Variants in LBR observed in about 807,000 individuals in gnomAD.
LBR encodes delta(14)-sterol reductase LBR.
In LBR, 28 loss-of-function variants were observed where a neutral mutation model predicts 74.3. That is an observed-to-expected ratio of 0.38 (90% CI 0.28 to 0.52). The LOEUF (loss-of-function observed/expected upper bound fraction) is 0.52, where lower values mean the gene tolerates loss of function less well. Ranked by LOEUF, LBR falls within the 20% of genes least tolerant of loss-of-function variation. The pLI is 0.89. For missense variants in LBR, 717 were observed against 760.3 expected, an observed-to-expected ratio of 0.94 and a Z score of 0.67; for synonymous variants, 228 against 269.3, an observed-to-expected ratio of 0.85 and a Z score of 1.50.
Position 225,412,221 on chromosome 1 carries a change from T to C in LBR, c.1084+233A>G, listed in dbSNP as rs10799307. On this transcript the variant is annotated intron_variant, in intron 8 of 13. Transcript: ENST00000272163. ...AAGTTTACTAAACGTCTTACTGTCA[T>C]CAAGCAACTGCAAAAAAAAGAAATG... Among the ~76,000 whole-genome samples, 88,794 of 152,142 alleles carry C rather than the reference T, an allele frequency of 0.58. 27,889 individuals carry two copies. Among genetic ancestry groups the C allele is most frequent in the East Asian group, 0.85 (4,416 of 5,184 alleles).
chr1:225,417,368 G>T (rs1157377270), intron 6 of LBR, among the ~76,000 whole-genome samples: 1 of 152,046 alleles, frequency 6.6e-6, no homozygotes, highest in Non-Finnish European at 1.5e-5. Flanking sequence ...ATATATCCAA[G>T]TAAAGGATTC....
intron 7 of LBR, among the ~76,000 whole-genome samples, chr1:225,412,870 C>T (rs946587140): frequency 6.6e-6 from 1 of 152,068 alleles, no homozygotes; most frequent in East Asian, 1.9e-4. Context: ...CATATTGATT[C>T]TTTTTCAGTT....
chr1:225,409,354 C>T (rs777149496), intron 10 of LBR, among the ~76,000 whole-genome samples: 2 of 152,150 alleles, frequency 1.3e-5, no homozygotes, highest in African/African-American at 2.4e-5. Flanking sequence ...ATCAAACTTG[C>T]GAAGTTGTTC....
chr1:225,424,598 T>C (rs114131670), intron 1 of LBR, among the ~76,000 whole-genome samples: 4,507 of 152,220 alleles, frequency 0.03, 196 homozygotes, highest in African/African-American at 0.094. Context: ...ATGAATAAAT[T>C]TGGGGGTTAT....
At chr1:225,422,415 G>A in intron 2 of LBR, 138 bp from the exon 3 acceptor site, 1 of 732,250 alleles carries the variant, frequency 1.4e-6, no homozygotes, top group Non-Finnish European at 2.4e-6. Flanking sequence ...TAGGATCTGA[G>A]AATGGATCAG....
intron 1 of LBR, 57 bp from the exon 2 acceptor site, chr1:225,424,146 C>G (rs2096134535): frequency 7.8e-7 from 1 of 1,275,944 alleles, no homozygotes; most frequent in Non-Finnish European, 1.1e-6. Context: ...ATGTATTCGT[C>G]TTTTTCCACA....
chr1:225,417,184 T>A (rs2150953981), intron 6 of LBR, among the ~76,000 whole-genome samples: 1 of 152,298 alleles, frequency 6.6e-6, no homozygotes, highest in East Asian at 1.9e-4. Flanking sequence ...CTAGAGCCAC[T>A]AAAGTTATGG....
At chr1:225,421,180 A>G (rs2096126832) in intron 3 of LBR, among the ~76,000 whole-genome samples, 5 of 152,238 alleles carry the variant, frequency 3.3e-5, no homozygotes, top group Admixed American at 3.3e-4. Flanking sequence ...GTATGTATAT[A>G]ATCCAGTTTT....
At chr1:225,407,899 T>TAA (rs879515882) in intron 10 of LBR, among the ~76,000 whole-genome samples, 1 of 148,460 alleles carries the variant, frequency 6.7e-6, no homozygotes, top group Non-Finnish European at 1.5e-5. Flanking sequence ...TTATTCTCTT[T>TAA]AAAAAAAAAA....
At chr1:225,409,002 T>A (rs368954170) in intron 10 of LBR, among the ~76,000 whole-genome samples, 74 of 152,366 alleles carry the variant, frequency 4.9e-4, no homozygotes, top group African/African-American at 1.6e-3. Context: ...CTGTGAAATA[T>A]CATTTGATTT....
At position 225,419,812 on chromosome 1, in the gene LBR, T is replaced by G. The variant is rs747818070; in HGVS notation, c.367-14A>C. On this transcript the variant is annotated splice_polypyrimidine_tract_variant and intron_variant, in intron 3 of 13. Coordinates refer to ENST00000272163, the MANE Select transcript of LBR (RefSeq NM_002296.4). ...TCCAAATGGCTTCTAAATTGAAGAA[T>G]ATAAACATTTAATCAAAAGAACTGT... 6.5e-7 allele frequency: 1 copy of G among 1,526,840 alleles called. No individual in the cohort carries two copies. Among genetic ancestry groups the G allele is most frequent in the Non-Finnish European group, 9.1e-7 (1 of 1,101,618 alleles). The allele number at this position is 1,526,840 out of a possible 1,614,324, so 94.6% of individuals were successfully genotyped here.
chr1:225,408,037 G>A (rs2096096178), intron 10 of LBR, among the ~76,000 whole-genome samples: 1 of 152,104 alleles, frequency 6.6e-6, no homozygotes, highest in Admixed American at 6.5e-5. Flanking sequence ...TTTGTGTTAG[G>A]AATATTCAAT....
chr1:225,425,358 G>A (rs955568285), intron 1 of LBR, among the ~76,000 whole-genome samples: 5 of 152,170 alleles, frequency 3.3e-5, no homozygotes, highest in Non-Finnish European at 7.3e-5. Context: ...GAAAACACAA[G>A]TACTTATCTG....
intron 3 of LBR, 67 bp from the exon 4 acceptor site, chr1:225,419,865 A>G (rs2096124439): frequency 2.6e-6 from 3 of 1,147,012 alleles, no homozygotes; most frequent in Non-Finnish European, 3.9e-6. Flanking sequence ...CATGATGGTA[A>G]AAACTTACTG....
intron 11 of LBR, 59 bp from the exon 12 acceptor site, chr1:225,404,765 G>T: frequency 8.5e-7 from 1 of 1,177,300 alleles, no homozygotes. Context: ...ATGCTTAATA[G>T]CATCTGTAAT....
chr1:225,411,928 G>A (rs1464606217), intron 8 of LBR, among the ~76,000 whole-genome samples: 1 of 152,216 alleles, frequency 6.6e-6, no homozygotes, highest in Non-Finnish European at 1.5e-5. Context: ...TCTTGCCTCA[G>A]CCTCCCGAGT....
At chr1:225,413,373 G>C (rs2096110271) in intron 7 of LBR, among the ~76,000 whole-genome samples, 1 of 152,226 alleles carries the variant, frequency 6.6e-6, no homozygotes, top group African/African-American at 2.4e-5. Context: ...AGGCTCACTG[G>C]AAGATCCAAT....
At chr1:225,411,492 G>A (rs1350659050) in intron 8 of LBR, 52 bp from the exon 9 acceptor site, 1 of 1,328,114 alleles carries the variant, frequency 7.5e-7, no homozygotes, top group Non-Finnish European at 1.1e-6. Flanking sequence ...CAGTCAGGAG[G>A]CTTTACAACG....
chr1:225,401,961 C>A lies in LBR; in HGVS notation c.*1342G>T, dbSNP rs781239394. 6.6e-6 allele frequency: 1 copy of A among 152,208 alleles called. No individual in the cohort carries two copies. Among genetic ancestry groups the A allele is most frequent in the Non-Finnish European group, 1.5e-5 (1 of 68,038 alleles). The allele number at this position is 152,208 out of a possible 1,614,324, so 9.4% of individuals were successfully genotyped here. On this transcript the variant is annotated 3_prime_UTR_variant, in exon 14 of 14. Coordinates refer to ENST00000272163, the MANE Select transcript of LBR (RefSeq NM_002296.4). ...TGTGTAATTAAAACCCAAACATACA[C>A]ACTATGTTTATTACATTCCCCTACA... is the stretch of plus-strand genomic sequence containing the variant.
Sources: allele counts gnomAD v4.1 joint callset (sites outside exome capture counted in the v4.1 genomes callset), GRCh38; gene constraint gnomAD v4.1.1; transcripts MANE v1.5; gene names NCBI Gene and HGNC (gene_info 2026-07-23, HGNC 2026-07-21).